FXN: variants seen among roughly 807,000 people sequenced by gnomAD.
FXN encodes frataxin.
Under a neutral mutation model 22.4 loss-of-function variants are expected in FXN, and 14 were observed. The observed-to-expected ratio is 0.62, with a 90% CI of 0.41 to 0.98. FXN has a LOEUF of 0.98. Among genes scored for constraint, FXN ranks in the 50% least tolerant of loss-of-function variants. The pLI is 0.00. For missense variants in FXN, 267 were observed against 268.4 expected, an observed-to-expected ratio of 0.99 and a Z score of 0.04; for synonymous variants, 120 against 114.1, an observed-to-expected ratio of 1.05 and a Z score of -0.33.
intron 3 of FXN, among the ~76,000 whole-genome samples, chr9:69,055,373 A>G (rs1177238222): frequency 1.3e-5 from 2 of 152,218 alleles, no homozygotes; most frequent in Non-Finnish European, 2.9e-5. Flanking sequence ...AAAAACAGTC[A>G]TGAAACCTGT....
At chr9:69,042,332 C>T (rs1831672489) in intron 1 of FXN, among the ~76,000 whole-genome samples, 1 of 151,954 alleles carries the variant, frequency 6.6e-6, no homozygotes, top group Non-Finnish European at 1.5e-5. Context: ...CTCCCTTAGG[C>T]AGAGGCGGAA....
At chr9:69,037,713 C>T (rs1201064529) in intron 1 of FXN, among the ~76,000 whole-genome samples, 1 of 152,164 alleles carries the variant, frequency 6.6e-6, no homozygotes, top group Non-Finnish European at 1.5e-5. Context: ...CCTCTTGTTG[C>T]CCAGGCTGGA....
intron 3 of FXN, among the ~76,000 whole-genome samples, chr9:69,064,360 C>T (rs898200180): frequency 2.6e-5 from 4 of 152,174 alleles, no homozygotes; most frequent in African/African-American, 7.2e-5. Context: ...TTGTTAGATG[C>T]GTGGGAAGAG....
chr9:69,055,821 G>C (rs1020709569), intron 3 of FXN, among the ~76,000 whole-genome samples: 14 of 150,922 alleles, frequency 9.3e-5, no homozygotes, highest in African/African-American at 3.4e-4. Flanking sequence ...TACTTCTATT[G>C]AACTGAAAAA....
At chr9:69,063,281 A>G (rs554210372) in intron 3 of FXN, among the ~76,000 whole-genome samples, 1 of 152,332 alleles carries the variant, frequency 6.6e-6, no homozygotes, top group South Asian at 2.1e-4. Flanking sequence ...AGAATGCTTC[A>G]TCTTATAGAA....
intron 4 of FXN, among the ~76,000 whole-genome samples, chr9:69,071,551 C>T (rs1832275097): frequency 6.6e-6 from 1 of 152,164 alleles, no homozygotes; most frequent in African/African-American, 2.4e-5. Flanking sequence ...GAATGTACAT[C>T]TGGTATAAGA....
chr9:69,075,949 C>T lies in FXN; in HGVS notation c.*3187C>T. On this transcript the variant is annotated 3_prime_UTR_variant, in exon 5 of 5. Transcript: ENST00000484259. Reference sequence around the variant, plus strand: ...CTAACACTTAGGCTCAAGTGATCCACCTGCCTCGTCCTCCCAAGATGCTGG... The same window carrying T: ...CTAACACTTAGGCTCAAGTGATCCATCTGCCTCGTCCTCCCAAGATGCTGG... The T allele has an allele frequency of 2.3e-6, 2 of 870,420 alleles. No individual in the cohort carries two copies. Among genetic ancestry groups the T allele is most frequent in the Non-Finnish European group, 2.8e-6 (2 of 725,680 alleles). 53.9% of individuals were successfully genotyped at this position (870,420 alleles called of 1,614,324 possible).
rs754523390 is a variant in FXN at position 69,072,725 on chromosome 9, A to G, written c.596A>G (p.Asp199Gly). The G allele has an allele frequency of 5.0e-6, 8 of 1,614,138 alleles. No individual in the cohort carries two copies. Among genetic ancestry groups the G allele is most frequent in the African/African-American group, 1.3e-5 (1 of 75,014 alleles). The change falls in exon 5 of 5, where the codon GAC becomes GGC. Residue 199 changes from aspartate to glycine, a missense_variant. Transcript: ENST00000484259. Reference sequence around the variant, plus strand: ...ACTAAAGCCTTAAAAACCAAACTGGACTTGTCTTCCTTGGCCTATTCCGGA... The same window carrying G: ...ACTAAAGCCTTAAAAACCAAACTGGGCTTGTCTTCCTTGGCCTATTCCGGA... The part of the protein sequence containing the change: ...ELTKALKTKL[D>G]LSSLAYSGKD...
rs543209710 is a variant in FXN, at chr9:69,065,021, A to G, written c.468A>G (p.Leu156=). ...AGACGCCAAACAAGCAAATCTGGCT[A>G]TCTTCTCCATCCAGGTATGTAGGTA... ...NKQTPNKQIW[L]SSPSSGPKRY... Residue 156 remains leucine (L), a synonymous_variant, in exon 4 of 5, where the codon CTA becomes CTG. Coordinates refer to ENST00000484259, the MANE Select transcript of FXN (RefSeq NM_000144.5). 1.1e-3 allele frequency: 1,784 copies of G among 1,613,092 alleles called. 30 individuals carry two copies. The South Asian group carries it at 0.019, about 17-fold the overall frequency.
intron 3 of FXN, among the ~76,000 whole-genome samples, chr9:69,062,344 C>CA (rs1832090153): frequency 6.6e-6 from 1 of 152,108 alleles, no homozygotes. Context: ...CTCCTGGGCC[C>CA]AAGCGATCCT....
At chr9:69,037,284 A>AAAAAAAAAAAAAAAAAAGAAGAAG (rs544093183) in intron 1 of FXN, among the ~76,000 whole-genome samples, 2 of 78,060 alleles carry the variant, frequency 2.6e-5, no homozygotes, top group Non-Finnish European at 5.1e-5. Context: ...AAAAAAAAAA[A>AAAAAAAAAAAAAAAAAAGAAGAAG]AAGAAGAAGA....
intron 1 of FXN, among the ~76,000 whole-genome samples, chr9:69,038,554 G>A (rs572763508): frequency 2.0e-4 from 30 of 152,254 alleles, no homozygotes; most frequent in Non-Finnish European, 3.7e-4. Flanking sequence ...GACCAGGCAC[G>A]GTGGCTCACG....
Position 69,076,466 on chromosome 9 carries a change from C to T in FXN, c.*3704C>T, listed in dbSNP as rs1017019461. On this transcript the variant is annotated 3_prime_UTR_variant, in exon 5 of 5. Transcript: ENST00000484259. ...GTATTAGATTCTGATTCCCTGGAAC[C>T]ATTTATCGTGTGCCTTACCATGCTT... 2.4e-5 allele frequency: 24 copies of T among 985,276 alleles called. No individual in the cohort carries two copies. In the African/African-American group the frequency reaches 2.6e-4, roughly 11 times the overall value. The allele number at this position is 985,276 out of a possible 1,614,324, so 61.0% of individuals were successfully genotyped here. A position where few individuals can be genotyped will look rare whatever the true frequency, so the allele number is the denominator to read the frequency against.
intron 3 of FXN, among the ~76,000 whole-genome samples, chr9:69,057,132 CAGTT>C (rs1369106569): frequency 3.3e-5 from 5 of 152,128 alleles, no homozygotes; most frequent in African/African-American, 1.2e-4. Context: ...AAACTAATGG[CAGTT>C]AGGGAGGGAA....
chr9:69,065,079 A>G, intron 4 of FXN, 44 bp downstream of exon 4: 2 of 1,450,262 alleles, frequency 1.4e-6, no homozygotes, highest in Non-Finnish European at 1.9e-6. Context: ...ATTCTTAAAG[A>G]CTTCCGAAAT....
At chr9:69,063,743 G>A (rs113118272) in intron 3 of FXN, among the ~76,000 whole-genome samples, 10,103 of 152,186 alleles carry the variant, frequency 0.066, 444 homozygotes, top group African/African-American at 0.12. Context: ...GTGTGTAGTG[G>A]TGTGATCTCA....
At chr9:69,059,391 C>CTTTTTTTTTTTTTTTTTT (rs35159671) in intron 3 of FXN, among the ~76,000 whole-genome samples, 2 of 62,996 alleles carry the variant, frequency 3.2e-5, no homozygotes, top group African/African-American at 6.8e-5. Flanking sequence ...GAGGCAGCAT[C>CTTTTTTTTTTTTTTTTTT]TTTTTTTTTT....
At position 69,064,957 on chromosome 9, in the gene FXN, A is replaced by G. The variant is rs771963647; in HGVS notation, c.404A>G (p.Lys135Arg). 7.4e-6 allele frequency: 12 copies of G among 1,613,616 alleles called. No individual in the cohort carries two copies. The highest frequency in any genetic ancestry group is 1.0e-5 in the Non-Finnish European group (12 of 1,179,630). The stretch of plus-strand genomic sequence containing the variant: ...CCCTAGAGTGGTGTCTTAACTGTCA[A>G]ACTGGGTGGAGATCTAGGAACCTAT... ...VSFGSGVLTV[K>R]LGGDLGTYVI... is the part of the protein sequence containing the mutation. The change falls in exon 4 of 5, where the codon AAA becomes AGA. Residue 135 changes from lysine to arginine, a missense_variant. Coordinates refer to ENST00000484259, the MANE Select transcript of FXN (RefSeq NM_000144.5).
intron 3 of FXN, among the ~76,000 whole-genome samples, chr9:69,057,138 G>A (rs750908951): frequency 8.4e-4 from 128 of 152,128 alleles, no homozygotes; most frequent in Non-Finnish European, 9.4e-4. Context: ...ATGGCAGTTA[G>A]GGAGGGAATA....
Sources: gnomAD v4.1 joint callset for allele counts (sites outside exome capture counted in the v4.1 genomes callset) on GRCh38, gnomAD v4.1.1 for gene constraint, MANE v1.5 for transcripts, NCBI Gene and HGNC (gene_info 2026-07-23, HGNC 2026-07-21) for gene names.